AUTS2: variants seen among roughly 807,000 people sequenced by gnomAD.
The protein encoded by AUTS2 is activator of transcription and developmental regulator AUTS2.
Under a neutral mutation model 112.4 loss-of-function variants are expected in AUTS2, and 17 were observed. That is an observed-to-expected ratio of 0.15 (90% CI 0.10 to 0.23). AUTS2 has a LOEUF of 0.23. Ranked by LOEUF, AUTS2 falls within the 10% of genes least tolerant of loss-of-function variation. The pLI is 1.00. For synonymous variants in AUTS2, 751 were observed against 702.7 expected, an observed-to-expected ratio of 1.07 and a Z score of -1.09; for missense variants, 1,510 against 1,701.6, an observed-to-expected ratio of 0.89 and a Z score of 1.98.
At chr7:70,019,220 C>T (rs1800166733) in intron 2 of AUTS2, among the ~76,000 whole-genome samples, 1 of 152,068 alleles carries the variant, frequency 6.6e-6, no homozygotes, top group Admixed American at 6.6e-5. Flanking sequence ...GATGAGAACA[C>T]ATGGTTACAT....
At chr7:70,138,882 T>G (rs1324646795) in intron 4 of AUTS2, among the ~76,000 whole-genome samples, 2 of 152,208 alleles carry the variant, frequency 1.3e-5, no homozygotes, top group Non-Finnish European at 2.9e-5. Context: ...AAGGTCATAG[T>G]GGGAATATTC....
At chr7:70,136,024 A>G (rs555463078) in intron 4 of AUTS2, among the ~76,000 whole-genome samples, 1 of 151,474 alleles carries the variant, frequency 6.6e-6, no homozygotes, top group Non-Finnish European at 1.5e-5. Context: ...TTTTTTTTTT[A>G]TTGTCAGTAG....
chr7:69,894,387 G>A (rs1794660240), intron 1 of AUTS2, among the ~76,000 whole-genome samples: 1 of 150,876 alleles, frequency 6.6e-6, no homozygotes, highest in Admixed American at 6.7e-5. Context: ...AGCTGAGGCT[G>A]AGTATTAAAT....
chr7:70,517,355 A>C (rs1455320516), intron 5 of AUTS2, among the ~76,000 whole-genome samples: 3 of 152,144 alleles, frequency 2.0e-5, no homozygotes, highest in Admixed American at 6.6e-5. Flanking sequence ...TGGTGGTATC[A>C]GATAAGTGAA....
At chr7:69,785,743 G>T (rs1037329783) in intron 1 of AUTS2, among the ~76,000 whole-genome samples, 1 of 152,186 alleles carries the variant, frequency 6.6e-6, no homozygotes, top group African/African-American at 2.4e-5. Context: ...TTTGTCAGGG[G>T]CCTACTGTGT....
intron 5 of AUTS2, among the ~76,000 whole-genome samples, chr7:70,641,978 G>T (rs1805858555): frequency 6.6e-6 from 1 of 152,116 alleles, no homozygotes; most frequent in Non-Finnish European, 1.5e-5. Context: ...CATGAAATTA[G>T]CACCACAATC....
chr7:70,117,614 C>T (rs1805450153), intron 2 of AUTS2, among the ~76,000 whole-genome samples: 1 of 152,132 alleles, frequency 6.6e-6, no homozygotes, highest in Non-Finnish European at 1.5e-5. Flanking sequence ...GGCTTGCCCA[C>T]TCTGTTCTCT....
In AUTS2 at chr7:70,763,168, G is replaced by A. The variant is rs151096425; in HGVS notation, c.1041G>A (p.Glu347=). 219 of 1,613,816 alleles carry A rather than the reference G, an allele frequency of 1.4e-4. 1 individual carries two copies. Among genetic ancestry groups the A allele is most frequent in the Non-Finnish European group, 1.6e-4 (185 of 1,179,956 alleles). ...LSTQPPQGPP[E]AQLQPAPQPQ... ...CACAGCCACCACAGGGCCCTCCTGA[G>A]GCCCAGCTCCAGCCTGCCCCGCAGC... is the stretch of plus-strand genomic sequence containing the variant. Residue 347 remains glutamate (E), a synonymous_variant, in exon 7 of 19, where the codon GAG becomes GAA. Coordinates refer to ENST00000342771, the MANE Select transcript of AUTS2 (RefSeq NM_015570.4).
chr7:69,816,339 T>C (rs1790760977), intron 1 of AUTS2, among the ~76,000 whole-genome samples: 1 of 152,170 alleles, frequency 6.6e-6, no homozygotes, highest in Non-Finnish European at 1.5e-5. Flanking sequence ...TCAGTTGGGG[T>C]TAGTACTTTC....
At chr7:69,699,785 C>A (rs1797728529) in intron 1 of AUTS2, among the ~76,000 whole-genome samples, 1 of 151,762 alleles carries the variant, frequency 6.6e-6, no homozygotes, top group Admixed American at 6.6e-5. Flanking sequence ...GCTGGAATTA[C>A]AGGTGCCCGC....
At chr7:70,585,147 C>T (rs1013430686) in intron 5 of AUTS2, among the ~76,000 whole-genome samples, 1 of 152,182 alleles carries the variant, frequency 6.6e-6, no homozygotes, top group Non-Finnish European at 1.5e-5. Flanking sequence ...TCCATAGAAA[C>T]AGGCCAATTA....
chr7:70,771,641 G>C lies in AUTS2; in HGVS notation c.1827G>C (p.Pro609=), dbSNP rs146043752. Residue 609 remains proline (P), a synonymous_variant, in exon 11 of 19, where the codon CCG becomes CCC. Coordinates refer to ENST00000342771, the MANE Select transcript of AUTS2 (RefSeq NM_015570.4). ...PFGSLQGAFQ[P]KTSNPIDVAA... ...GTTCACTACAAGGAGCATTTCAGCC[G>C]AAGGTAAGAAACCTCACAGTGAAAA... 1 of 1,613,012 alleles carries C rather than the reference G, an allele frequency of 6.2e-7. No homozygotes were observed. The highest frequency in any genetic ancestry group is 8.5e-7 in the Non-Finnish European group (1 of 1,179,290).
intron 2 of AUTS2, among the ~76,000 whole-genome samples, chr7:70,087,295 A>T (rs1169645417): frequency 6.6e-6 from 1 of 151,400 alleles, no homozygotes; most frequent in Admixed American, 6.6e-5. Flanking sequence ...TAAAAACATG[A>T]TATATTTTTA....
intron 4 of AUTS2, among the ~76,000 whole-genome samples, chr7:70,255,051 G>T (rs1786787679): frequency 1.3e-5 from 2 of 150,508 alleles, no homozygotes; most frequent in Admixed American, 6.6e-5. Context: ...GAATACAGGG[G>T]TTGTTCTGGA....
chr7:70,696,662 C>T (rs1809124771), intron 5 of AUTS2, among the ~76,000 whole-genome samples: 1 of 147,742 alleles, frequency 6.8e-6, no homozygotes, highest in African/African-American at 2.5e-5. Context: ...CAGCTTCTGT[C>T]CTTTTCACTC....
intron 6 of AUTS2, among the ~76,000 whole-genome samples, chr7:70,714,947 C>A: frequency 6.6e-6 from 1 of 152,242 alleles, no homozygotes; most frequent in Middle Eastern, 3.4e-3. Flanking sequence ...GCATGTTCCC[C>A]GTCAAGCTTT....
At chr7:70,686,908 AGT>A (rs1808501176) in intron 5 of AUTS2, among the ~76,000 whole-genome samples, 1 of 152,178 alleles carries the variant, frequency 6.6e-6, no homozygotes, top group Admixed American at 6.5e-5. Flanking sequence ...AGTTGTCTTA[AGT>A]GTCTTCTTTT....
intron 2 of AUTS2, among the ~76,000 whole-genome samples, chr7:69,960,580 C>CTCTTCAAT (rs1797389140): frequency 6.6e-6 from 1 of 152,152 alleles, no homozygotes; most frequent in Non-Finnish European, 1.5e-5. Flanking sequence ...TAAGTATTTA[C>CTCTTCAAT]ATGCACATTT....
Position 70,281,628 on chromosome 7 carries a change from TATTACAATCCAG to T in AUTS2, c.660+147058_660+147069del, listed in dbSNP as rs1349120336. 2.7e-3 allele frequency among the ~76,000 whole-genome samples: 414 copies of T among 152,348 alleles called. 1 individual carries two copies. Among genetic ancestry groups the T allele is most frequent in the African/African-American group, 9.4e-3 (389 of 41,578 alleles). On this transcript the variant is annotated intron_variant, in intron 4 of 18. Coordinates refer to ENST00000342771, the MANE Select transcript of AUTS2 (RefSeq NM_015570.4). Reference sequence around the variant, plus strand: ...GAAGAAAAATATGATCTGTTTGGGGTATTACAATCCAGTGTGTATTTTCTATCATACTTACCA... The same window carrying T: ...GAAGAAAAATATGATCTGTTTGGGGTTGTGTATTTTCTATCATACTTACCA...
Sources: gnomAD v4.1 joint callset for allele counts (sites outside exome capture counted in the v4.1 genomes callset) on GRCh38, gnomAD v4.1.1 for gene constraint, MANE v1.5 for transcripts, NCBI Gene and HGNC (gene_info 2026-07-23, HGNC 2026-07-21) for gene names.